The following ITPK1 variants were observed in gnomAD, a reference collection of about 807,000 sequenced individuals.
The protein encoded by ITPK1 is inositol-tetrakisphosphate 1-kinase, also known as inositol 1,3,4-trisphosphate 5/6-kinase.
ITPK1 carries 21 observed loss-of-function variants against 45.3 expected under a neutral mutation model. The ratio of observed to expected loss-of-function variants is 0.46; its 90% CI spans 0.33 to 0.67. The LOEUF (loss-of-function observed/expected upper bound fraction) is 0.67. Ranked by LOEUF, ITPK1 falls within the 30% of genes least tolerant of loss-of-function variation. The pLI is 0.02. For missense variants in ITPK1, 474 were observed against 573.5 expected (o/e 0.83, Z 1.77); for synonymous variants, 258 against 253.6 (o/e 1.02, Z -0.16).
intron 3 of ITPK1, chr14:93,068,699 G>A (rs1322299462): frequency 6.6e-6 from 1 of 152,224 alleles, no homozygotes; most frequent in African/African-American, 2.4e-5. Context: ...GAACCCCGCT[G>A]TGGATTGATC....
chr14:93,016,902 G>T lies in ITPK1; in HGVS notation c.121-101C>A. On this transcript the variant is annotated intron_variant, in intron 3 of 10. Coordinates refer to ENST00000267615, the MANE Select transcript of ITPK1 (RefSeq NM_014216.6). The surrounding 1 kb of genome is among the most constrained non-coding windows in gnomAD (Gnocchi z 5.0). ...TGGGGCATATCACCAGAGGACCCTCGAGCCTCCCTGTAGCACTCTGGAGAT... is the reference window on the plus strand; with the variant it reads ...TGGGGCATATCACCAGAGGACCCTCTAGCCTCCCTGTAGCACTCTGGAGAT... 1 of 1,500,670 alleles carries T rather than the reference G, an allele frequency of 6.7e-7. No homozygotes were observed. The highest frequency in any genetic ancestry group is 9.0e-7 in the Non-Finnish European group (1 of 1,106,546). The allele number at this position is 1,500,670 out of a possible 1,614,324, so 93.0% of individuals were successfully genotyped here.
At chr14:93,004,622 G>A (rs1887521062) in intron 4 of ITPK1, among the ~76,000 whole-genome samples, 2 of 152,100 alleles carry the variant, frequency 1.3e-5, no homozygotes, top group South Asian at 4.2e-4. Flanking sequence ...ATATGAGTGT[G>A]TGTGTGTGCG....
At chr14:93,083,066 T>C (rs1891503063) in intron 2 of ITPK1, among the ~76,000 whole-genome samples, 1 of 152,042 alleles carries the variant, frequency 6.6e-6, no homozygotes, top group Admixed American at 6.5e-5. Flanking sequence ...GACCCAGCAC[T>C]GAGGGAGAGG....
chr14:92,967,530 G>C (rs1392943315), intron 5 of ITPK1, among the ~76,000 whole-genome samples: 3 of 152,202 alleles, frequency 2.0e-5, no homozygotes, highest in Admixed American at 2.0e-4. Context: ...GTTAAACAGA[G>C]TGACCATATG....
chr14:93,113,727 C>A (rs766000732), intron 2 of ITPK1, among the ~76,000 whole-genome samples: 1 of 152,206 alleles, frequency 6.6e-6, no homozygotes, highest in Non-Finnish European at 1.5e-5. Context: ...ATTGCTGGGG[C>A]CACTCTGCAT....
rs1248596656 is a variant in ITPK1, at chr14:93,115,251, A to C, written c.-88T>G. 1 of 836,574 alleles carries C rather than the reference A, an allele frequency of 1.2e-6. No homozygotes were observed. Among genetic ancestry groups the C allele is most frequent in the East Asian group, 2.9e-5 (1 of 34,038 alleles). The allele number at this position is 836,574 out of a possible 1,614,324, so 51.8% of individuals were successfully genotyped here. ...CGGCGCGCGCCGCGAGCGAGTGGGC[A>C]CCTCCTCCCGGCGGCGGGGACGCGG... On this transcript the variant is annotated 5_prime_UTR_variant, in exon 2 of 11. Transcript: ENST00000267615.
chr14:92,947,070 A>G (rs990747116), intron 9 of ITPK1, among the ~76,000 whole-genome samples: 1 of 152,200 alleles, frequency 6.6e-6, no homozygotes, highest in African/African-American at 2.4e-5. Flanking sequence ...TGGGGCGCAG[A>G]GCCGGGCACA....
intron 3 of ITPK1, among the ~76,000 whole-genome samples, chr14:93,064,026 G>T (rs1890641685): frequency 6.6e-6 from 1 of 152,316 alleles, no homozygotes; most frequent in Non-Finnish European, 1.5e-5. Flanking sequence ...GCTCACACCT[G>T]TAATCCCAGC....
At chr14:92,975,931 C>T (rs1885916924) in intron 5 of ITPK1, among the ~76,000 whole-genome samples, 1 of 152,196 alleles carries the variant, frequency 6.6e-6, no homozygotes, top group African/African-American at 2.4e-5. Flanking sequence ...TCAGTTCCCA[C>T]AAGATCTGAT....
At chr14:92,995,020 T>C (rs1312805780) in intron 4 of ITPK1, among the ~76,000 whole-genome samples, 1 of 152,046 alleles carries the variant, frequency 6.6e-6, no homozygotes, top group Non-Finnish European at 1.5e-5. Flanking sequence ...ACAACTGCAG[T>C]GACACACCTA....
intron 10 of ITPK1, among the ~76,000 whole-genome samples, chr14:92,944,209 C>T (rs1305072417): frequency 6.6e-6 from 1 of 152,154 alleles, no homozygotes; most frequent in Non-Finnish European, 1.5e-5. Context: ...GCCCAAGGTG[C>T]CTCCTGTGGG....
chr14:93,103,693 G>A (rs570918626), intron 2 of ITPK1, among the ~76,000 whole-genome samples: 4 of 152,230 alleles, frequency 2.6e-5, no homozygotes, highest in Admixed American at 2.6e-4. Flanking sequence ...AAGATGCCAC[G>A]GCCCACCCCA....
At chr14:92,974,387 T>G (rs1885825368) in intron 5 of ITPK1, among the ~76,000 whole-genome samples, 1 of 152,200 alleles carries the variant, frequency 6.6e-6, no homozygotes, top group South Asian at 2.1e-4. Flanking sequence ...TGGCATGCCC[T>G]GGGGATGCAG....
chr14:93,004,968 G>A (rs1295076085), intron 4 of ITPK1, among the ~76,000 whole-genome samples: 2 of 152,076 alleles, frequency 1.3e-5, no homozygotes, highest in African/African-American at 4.8e-5. Context: ...GGGCTGGGGC[G>A]GACGGCAGTC....
At chr14:93,067,189 C>T (rs763724611) in intron 3 of ITPK1, among the ~76,000 whole-genome samples, 3 of 152,286 alleles carry the variant, frequency 2.0e-5, no homozygotes, top group South Asian at 2.1e-4. Context: ...TTTGCTTTTA[C>T]GTAAAATGCT....
intron 2 of ITPK1, among the ~76,000 whole-genome samples, chr14:93,106,176 A>C (rs2140031950): frequency 2.1e-5 from 3 of 141,832 alleles, no homozygotes; most frequent in Non-Finnish European, 3.1e-5. Context: ...CACCCCATCC[A>C]CCCCACCACC....
At chr14:93,105,336 C>T (rs928270952) in intron 2 of ITPK1, among the ~76,000 whole-genome samples, 3 of 152,182 alleles carry the variant, frequency 2.0e-5, no homozygotes, top group African/African-American at 7.2e-5. Flanking sequence ...TGCTTCCCCA[C>T]GCCTGACAGT....
chr14:92,946,297 G>T, intron 10 of ITPK1, 34 bp downstream of exon 10: 1 of 1,610,270 alleles, frequency 6.2e-7, no homozygotes, highest in Non-Finnish European at 8.5e-7. Flanking sequence ...GTCTCTGGAG[G>T]CCGGTCAGTG....
chr14:93,096,727 C>T (rs1892095992), intron 2 of ITPK1, among the ~76,000 whole-genome samples: 1 of 152,178 alleles, frequency 6.6e-6, no homozygotes, highest in African/African-American at 2.4e-5. Context: ...TTGGAATGTT[C>T]AAGAATGTAG....
Sources: gnomAD v4.1 joint callset for allele counts (sites outside exome capture counted in the v4.1 genomes callset) on GRCh38, gnomAD v4.1.1 for gene constraint, Gnocchi (gnomAD v3.1) non-coding constraint, MANE v1.5 for transcripts, NCBI Gene and HGNC (gene_info 2026-07-23, HGNC 2026-07-21) for gene names.